Variants in ARHGAP26 observed in about 807,000 individuals in gnomAD.
ARHGAP26 encodes Rho GTPase activating protein 26.
A neutral mutation model predicts 104.8 loss-of-function variants in ARHGAP26; 38 were observed. The observed-to-expected ratio is 0.36, with a 90% CI of 0.28 to 0.48. ARHGAP26 has a LOEUF of 0.48. Ranked by LOEUF, ARHGAP26 falls within the 20% of genes least tolerant of loss-of-function variation. The pLI is 0.99. For synonymous variants in ARHGAP26, 341 were observed against 340.0 expected (o/e 1.00, Z -0.03); for missense variants, 704 against 947.9 (o/e 0.74, Z 3.38).
chr5:143,012,576 T>TATACA (rs1554195628), intron 11 of ARHGAP26, among the ~76,000 whole-genome samples: 1 of 57,028 alleles, frequency 1.8e-5, no homozygotes, highest in Non-Finnish European at 5.2e-5. Context: ...TATATATATA[T>TATACA]TATGATCAGG....
In ARHGAP26 at chr5:143,223,232, T is replaced by C. The variant is rs1254691002; in HGVS notation, c.*786T>C. The C allele has an allele frequency of 3.4e-5, 8 of 233,022 alleles. No individual in the cohort carries two copies. The highest frequency in any genetic ancestry group is 5.9e-5 in the Non-Finnish European group (7 of 117,702). The allele number at this position is 233,022 out of a possible 1,614,324, so 14.4% of individuals were successfully genotyped here. On this transcript the variant is annotated 3_prime_UTR_variant, in exon 23 of 23. Coordinates refer to ENST00000645722, the MANE Select transcript of ARHGAP26 (RefSeq NM_001135608.3). Reference sequence around the variant, plus strand: ...TCCTCTTTGCATGACACATTTTTTTTCTCCCCTTTTTGGTACACTTTTTTT... The same window carrying C: ...TCCTCTTTGCATGACACATTTTTTTCCTCCCCTTTTTGGTACACTTTTTTT...
chr5:142,875,603 C>T (rs1307221757), intron 3 of ARHGAP26, among the ~76,000 whole-genome samples: 1 of 152,110 alleles, frequency 6.6e-6, no homozygotes, highest in Non-Finnish European at 1.5e-5. Flanking sequence ...CAACACAGTG[C>T]CTGCCAGGTA....
intron 20 of ARHGAP26, among the ~76,000 whole-genome samples, chr5:143,201,560 C>T (rs114560480): frequency 6.2e-4 from 94 of 152,058 alleles, no homozygotes; most frequent in African/African-American, 2.2e-3. Flanking sequence ...TTTTGTCTGC[C>T]GTTGTCATTT....
intron 3 of ARHGAP26, 69 bp downstream of exon 3, chr5:142,875,240 CAGA>C: frequency 6.9e-7 from 1 of 1,443,640 alleles, no homozygotes; most frequent in East Asian, 2.3e-5. Flanking sequence ...GGATGGGTAT[CAGA>C]AGAACTAGAT....
At chr5:143,219,261 A>G (rs1251694148) in intron 22 of ARHGAP26, among the ~76,000 whole-genome samples, 1 of 152,246 alleles carries the variant, frequency 6.6e-6, no homozygotes, top group African/African-American at 2.4e-5. Flanking sequence ...ACAGATAATA[A>G]TAATACAAGC....
chr5:142,953,901 C>G (rs1345205693), intron 11 of ARHGAP26, among the ~76,000 whole-genome samples: 1 of 152,142 alleles, frequency 6.6e-6, no homozygotes, highest in South Asian at 2.1e-4. Context: ...TGGTTGACAT[C>G]GTCCATTTGG....
chr5:142,855,228 G>A (rs759356817), intron 1 of ARHGAP26, among the ~76,000 whole-genome samples: 31 of 152,192 alleles, frequency 2.0e-4, no homozygotes, highest in Non-Finnish European at 4.1e-4. Context: ...CAGAAAGAAA[G>A]GGCAGGGGTG....
intron 20 of ARHGAP26, among the ~76,000 whole-genome samples, chr5:143,185,864 C>T (rs985447524): frequency 6.6e-5 from 10 of 152,194 alleles, no homozygotes; most frequent in African/African-American, 2.4e-4. Context: ...CCTGCACTAC[C>T]CCTCCCTTGC....
chr5:143,177,004 G>GC (rs1803557916), intron 20 of ARHGAP26, among the ~76,000 whole-genome samples: 1 of 152,150 alleles, frequency 6.6e-6, no homozygotes, highest in Non-Finnish European at 1.5e-5. Flanking sequence ...TTTGGCTCTG[G>GC]CACTCATCTG....
intron 12 of ARHGAP26, among the ~76,000 whole-genome samples, chr5:143,024,453 G>A (rs868187177): frequency 7.9e-5 from 12 of 152,006 alleles, no homozygotes; most frequent in Non-Finnish European, 1.3e-4. Flanking sequence ...TGAGCCACCC[G>A]TTGCCATCCC....
chr5:142,864,097 G>A (rs1257549026), intron 1 of ARHGAP26, among the ~76,000 whole-genome samples: 7 of 151,952 alleles, frequency 4.6e-5, no homozygotes, highest in African/African-American at 1.7e-4. Flanking sequence ...GACTTGTGTG[G>A]TCTCCTCTTA....
intron 22 of ARHGAP26, chr5:143,216,316 C>G (rs1005097220): frequency 6.4e-6 from 3 of 470,712 alleles, no homozygotes; most frequent in African/African-American, 4.0e-5. Flanking sequence ...CTGCCATAAC[C>G]CCCTCTTTAC....
At chr5:142,933,628 A>C (rs1488256168) in intron 11 of ARHGAP26, among the ~76,000 whole-genome samples, 1 of 152,180 alleles carries the variant, frequency 6.6e-6, no homozygotes, top group East Asian at 1.9e-4. Context: ...CAGCCAGAAA[A>C]TGAGGATGAA....
intron 6 of ARHGAP26, among the ~76,000 whole-genome samples, chr5:142,900,444 C>T (rs573233396): frequency 2.2e-4 from 33 of 152,156 alleles, no homozygotes; most frequent in African/African-American, 8.0e-4. Context: ...GGGCCGGGGA[C>T]AGTGGCAATG....
At chr5:142,818,826 T>C (rs936437855) in intron 1 of ARHGAP26, among the ~76,000 whole-genome samples, 4 of 152,116 alleles carry the variant, frequency 2.6e-5, no homozygotes, top group Non-Finnish European at 5.9e-5. Context: ...TTGCTCCTTC[T>C]TGTGGCACCT....
At chr5:143,147,507 A>C in intron 20 of ARHGAP26, 126 bp downstream of exon 20, 7 of 1,130,776 alleles carry the variant, frequency 6.2e-6, no homozygotes, top group Non-Finnish European at 8.6e-6. Flanking sequence ...CCTCCTCCCT[A>C]AACTGGGAGC....
intron 1 of ARHGAP26, among the ~76,000 whole-genome samples, chr5:142,777,087 T>A (rs1756480490): frequency 6.6e-6 from 1 of 152,242 alleles, no homozygotes; most frequent in Admixed American, 6.5e-5. Flanking sequence ...TCTATTCAGA[T>A]CTTTTTTTTC....
intron 11 of ARHGAP26, among the ~76,000 whole-genome samples, chr5:142,991,337 C>A (rs1775584865): frequency 6.6e-6 from 1 of 152,162 alleles, no homozygotes; most frequent in African/African-American, 2.4e-5. Flanking sequence ...GTGGGAGTGT[C>A]TCGATTTTCC....
At chr5:142,969,211 G>A (rs1374243123) in intron 11 of ARHGAP26, 1 of 152,218 alleles carries the variant, frequency 6.6e-6, no homozygotes, top group Admixed American at 6.5e-5. Flanking sequence ...AAAGTGCTGG[G>A]ATAACAGGTA....
Sources: gnomAD v4.1 joint callset for allele counts (sites outside exome capture counted in the v4.1 genomes callset) on GRCh38, gnomAD v4.1.1 for gene constraint, MANE v1.5 for transcripts, NCBI Gene and HGNC (gene_info 2026-07-23, HGNC 2026-07-21) for gene names.